Variants in GCA observed in about 807,000 individuals in gnomAD.
The protein encoded by GCA is grancalcin, also known as grancalcin, EF-hand calcium-binding protein.
A neutral mutation model predicts 32.6 loss-of-function variants in GCA; 30 were observed. That is an observed-to-expected ratio of 0.92 (90% confidence interval 0.69 to 1.25). The LOEUF (loss-of-function observed/expected upper bound fraction) is 1.25. Ranked by LOEUF, GCA falls within the 50% of genes most tolerant of loss-of-function variation. The probability of loss-of-function intolerance (pLI) is 0.00; values close to 1 mark genes in which losing one functional copy is unlikely to be tolerated. For synonymous variants in GCA, 102 were observed against 84.6 expected, an observed-to-expected ratio of 1.21 and a Z score of -1.13; for missense variants, 291 against 266.8, an observed-to-expected ratio of 1.09 and a Z score of -0.63.
intron 5 of GCA, among the ~76,000 whole-genome samples, chr2:162,357,528 C>T (rs1685342988): frequency 1.3e-5 from 2 of 151,732 alleles, no homozygotes; most frequent in African/African-American, 2.4e-5. Flanking sequence ...GATTTACACT[C>T]TTCTAAACAA....
At chr2:162,348,103 T>C (rs1301415647) in intron 2 of GCA, among the ~76,000 whole-genome samples, 2 of 152,188 alleles carry the variant, frequency 1.3e-5, no homozygotes, top group East Asian at 3.9e-4. Context: ...TTATGAGTTA[T>C]AATTTTTCTG....
chr2:162,324,805 T>C (rs1683817129), intron 1 of GCA, among the ~76,000 whole-genome samples: 1 of 152,098 alleles, frequency 6.6e-6, no homozygotes, highest in Non-Finnish European at 1.5e-5. Context: ...TCTGAAGAGG[T>C]ACAACTAACT....
At chr2:162,375,358 A>G (rs931780743), downstream of GCA, among the ~76,000 whole-genome samples, 6 of 152,216 alleles carry the variant, frequency 3.9e-5, no homozygotes, top group African/African-American at 1.4e-4. Context: ...TTTGCCAAAC[A>G]GCAGCTGTCT....
downstream of GCA, among the ~76,000 whole-genome samples, chr2:162,365,519 A>G (rs1353052540): frequency 1.3e-5 from 2 of 151,660 alleles, no homozygotes; most frequent in African/African-American, 4.8e-5. Context: ...AGGAAATAGT[A>G]TGTGTTTTGG....
Position 162,360,963 on chromosome 2 carries a change from TC to T in GCA, c.*721del. On this transcript the variant is annotated 3_prime_UTR_variant, in exon 8 of 8. Transcript: ENST00000437150. ...CCTATTTCATTAGTGAAGACATAGTTCACCTAAAATGGCATCCTGCTCTGAA... is the reference window on the plus strand; with the variant it reads ...CCTATTTCATTAGTGAAGACATAGTTACCTAAAATGGCATCCTGCTCTGAA... The T allele has an allele frequency of 8.9e-7, 1 of 1,127,844 alleles. No individual in the cohort carries two copies. Among genetic ancestry groups the T allele is most frequent in the Non-Finnish European group, 1.1e-6 (1 of 918,812 alleles). 69.9% of individuals were successfully genotyped at this position (1,127,844 alleles called of 1,614,324 possible).
Position 162,332,165 on chromosome 2 carries a change from C to T in GCA, c.-31+12940C>T, listed in dbSNP as rs539161702. On this transcript the variant is annotated intron_variant, in intron 1 of 4. Coordinates refer to the GCA transcript ENST00000429691. ...TCTACTAAAAATACAAAAAATTAGC[C>T]GAGCATGGTGGCGGGCACCTGTAGT... 5.9e-5 allele frequency among the ~76,000 whole-genome samples: 9 copies of T among 151,316 alleles called. No homozygotes were observed. The East Asian group carries it at 1.7e-3, about 29-fold the overall frequency.
At chr2:162,373,432 G>A (rs753792499), downstream of GCA, 4 of 1,405,058 alleles carry the variant, frequency 2.8e-6, no homozygotes, top group African/African-American at 5.9e-5. Flanking sequence ...GAAACACACT[G>A]TGAGAGACAC....
intron 1 of GCA, among the ~76,000 whole-genome samples, chr2:162,327,571 T>A (rs1281134132): frequency 6.6e-6 from 1 of 152,036 alleles, no homozygotes; most frequent in Non-Finnish European, 1.5e-5. Flanking sequence ...CCCTGTAGGG[T>A]CCTGGATATT....
At chr2:162,343,376 G>A (rs1365688427), upstream of GCA, among the ~76,000 whole-genome samples, 1 of 152,140 alleles carries the variant, frequency 6.6e-6, no homozygotes, top group African/African-American at 2.4e-5. Flanking sequence ...TTGCCCAAAG[G>A]CTGAGTCAGA....
intron 4 of GCA, among the ~76,000 whole-genome samples, chr2:162,369,866 A>C (rs568284332): frequency 6.6e-6 from 1 of 152,286 alleles, no homozygotes; most frequent in South Asian, 2.1e-4. Flanking sequence ...AAGTGAAAGC[A>C]TCAGTTAGCC....
chr2:162,350,968 A>G (rs1298350318), intron 2 of GCA, among the ~76,000 whole-genome samples: 1 of 152,126 alleles, frequency 6.6e-6, no homozygotes, highest in Non-Finnish European at 1.5e-5. Context: ...ACTTAGGTAT[A>G]CTGCTCCTGG....
At chr2:162,359,279 C>A in intron 6 of GCA, 122 bp downstream of exon 6, 1 of 678,270 alleles carries the variant, frequency 1.5e-6, no homozygotes, top group East Asian at 2.7e-5. Context: ...ACTGTTAAAT[C>A]TAATTAGTTT....
At chr2:162,341,115 T>C (rs368284241), upstream of GCA, among the ~76,000 whole-genome samples, 4 of 151,966 alleles carry the variant, frequency 2.6e-5, no homozygotes, top group Admixed American at 6.5e-5. Context: ...CCTATTGATG[T>C]ATGTTTTCCA....
chr2:162,318,945 G>A, upstream of GCA: 1 of 289,290 alleles, frequency 3.5e-6, no homozygotes, highest in East Asian at 8.8e-5. Context: ...GTCCTTTGTA[G>A]GCCAAAATGT....
chr2:162,328,188 C>G lies in GCA; in HGVS notation c.-31+8963C>G, dbSNP rs182994165. 8.3e-4 allele frequency among the ~76,000 whole-genome samples: 122 copies of G among 146,348 alleles called. 2 individuals are homozygous for G. The highest frequency in any genetic ancestry group is 3.0e-3 in the African/African-American group (117 of 38,606). On this transcript the variant is annotated intron_variant, in intron 1 of 4. Transcript: ENST00000429691. Reference sequence around the variant, plus strand: ...CTGAAGTCAGGAGTTCGAGATCAGCCTGGCCAACATGGTGAAACCCTGTTT... The same window carrying G: ...CTGAAGTCAGGAGTTCGAGATCAGCGTGGCCAACATGGTGAAACCCTGTTT...
downstream of GCA, among the ~76,000 whole-genome samples, chr2:162,364,261 C>A (rs1685682514): frequency 6.6e-6 from 1 of 151,230 alleles, no homozygotes. Flanking sequence ...CAAAGGATAA[C>A]CTGAAGAGTG....
chr2:162,345,751 A>C (rs1684672008), intron 1 of GCA, among the ~76,000 whole-genome samples: 1 of 152,252 alleles, frequency 6.6e-6, no homozygotes, highest in Non-Finnish European at 1.5e-5. Context: ...ATTTTAAAAA[A>C]TGTAATTGAA....
At chr2:162,359,407 AT>A in intron 6 of GCA, 86 bp from the exon 7 acceptor site, 1 of 644,100 alleles carries the variant, frequency 1.6e-6, no homozygotes, top group Non-Finnish European at 2.7e-6. Flanking sequence ...TGAATATGAA[AT>A]TATTCTTTTT....
At chr2:162,353,060 G>A (rs78037038) in intron 3 of GCA, among the ~76,000 whole-genome samples, 2,229 of 152,128 alleles carry the variant, frequency 0.015, 59 homozygotes, top group African/African-American at 0.051. Flanking sequence ...TCTGAAGCTG[G>A]TTTCCCCGTT....
Sources: allele counts gnomAD v4.1 joint callset (sites outside exome capture counted in the v4.1 genomes callset), GRCh38; gene constraint gnomAD v4.1.1; transcripts MANE v1.5; gene names NCBI Gene and HGNC (gene_info 2026-07-23, HGNC 2026-07-21).